CYP2A7: variants seen among roughly 807,000 people sequenced by gnomAD.
The protein encoded by CYP2A7 is cytochrome P450 family 2 subfamily A member 7.
In CYP2A7, 36 loss-of-function variants were observed where a neutral mutation model predicts 42.0. The ratio of observed to expected loss-of-function variants is 0.86; its 90% confidence interval spans 0.66 to 1.13. The LOEUF is 1.13. CYP2A7 is among the 50% of genes most tolerant of loss of function. The pLI is 0.00. For missense variants in CYP2A7, 661 were observed against 634.1 expected (o/e 1.04, Z -0.46); for synonymous variants, 260 against 249.5 (o/e 1.04, Z -0.40).
At chr19:40,877,069 T>C in intron 7 of CYP2A7, 121 bp downstream of exon 7, 1 of 1,137,340 alleles carries the variant, frequency 8.8e-7, no homozygotes, top group Non-Finnish European at 1.3e-6. Flanking sequence ...GTTGGGGAAG[T>C]CCTTTTTGAC....
At chr19:40,878,667 T>A (rs1967590146) in intron 5 of CYP2A7, 93 bp downstream of exon 5, 1 of 1,523,316 alleles carries the variant, frequency 6.6e-7, no homozygotes, top group South Asian at 1.2e-5. Flanking sequence ...GAGGGCTAAT[T>A]TGAACGGGTC....
intron 3 of CYP2A7, 66 bp downstream of exon 3, chr19:40,880,413 G>A (rs1193711222): frequency 1.3e-6 from 2 of 1,579,210 alleles, no homozygotes; most frequent in Non-Finnish European, 1.7e-6. Context: ...CAGGCAGAAC[G>A]CGCGCGGGTT....
Position 40,880,043 on chromosome 19 carries a change from G to T in CYP2A7, c.654+41C>A, listed in dbSNP as rs764742423. On this transcript the variant is annotated intron_variant, in intron 4 of 8. Coordinates refer to ENST00000301146, the MANE Select transcript of CYP2A7 (RefSeq NM_000764.3). ...CTCCAGGTAGGGGAGCAGTTGGCAG[G>T]TTGTGGTAGGGGCGTCACGGGCCGG... The T allele has an allele frequency of 3.7e-6, 6 of 1,605,840 alleles. No individual in the cohort carries two copies. In the Middle Eastern group the frequency reaches 6.6e-4, roughly 178 times the overall value.
At chr19:40,880,852 A>AGAGAGAGAGAGAGAGAG (rs1967662327) in intron 2 of CYP2A7, among the ~76,000 whole-genome samples, 1 of 128,856 alleles carries the variant, frequency 7.8e-6, no homozygotes, top group East Asian at 2.3e-4. Context: ...AGAGAGAGAG[A>AGAGAGAGAGAGAGAGAG]GAGAGAGAGA....
chr19:40,880,711 G>T, intron 2 of CYP2A7, 83 bp from the exon 3 acceptor site: 1 of 1,466,378 alleles, frequency 6.8e-7, no homozygotes, highest in Non-Finnish European at 9.2e-7. Context: ...CTCCCCAAGG[G>T]TGGAGCAGAG....
intron 6 of CYP2A7, 28 bp from the exon 7 acceptor site, chr19:40,877,405 G>T (rs187602561): frequency 6.2e-7 from 1 of 1,607,084 alleles, no homozygotes; most frequent in Non-Finnish European, 8.5e-7. Context: ...ATGTGTTTAG[G>T]TATCTGGGAG....
At position 40,877,191 on chromosome 19, in the gene CYP2A7, T is replaced by A. The variant is rs1276427567; in HGVS notation, c.1160A>T (p.Lys387Met). ...TCTAGGGGGTGGGGAGGATAGCACC[T>A]TAGGGAGGAAAAAATCCCGAAACTT... ...DTKFRDFFLP[K>M]GTEVFPMLGS... is the part of the protein sequence containing the mutation. The change falls in exon 7 of 9, where the codon AAG becomes ATG. Residue 387 changes from lysine (K) to methionine (M), a missense_variant and splice_region_variant. Lys to Met is a moderately conservative substitution (Grantham distance 95). Transcript: ENST00000301146. 6.2e-7 allele frequency: 1 copy of A among 1,612,466 alleles called. No individual in the cohort carries two copies. The highest frequency in any genetic ancestry group is 8.5e-7 in the Non-Finnish European group (1 of 1,179,042).
chr19:40,878,713 C>T, intron 5 of CYP2A7, 47 bp downstream of exon 5: 1 of 1,599,662 alleles, frequency 6.3e-7, no homozygotes, highest in East Asian at 2.2e-5. Context: ...AGTCTGATTT[C>T]CCTCTGCCTG....
intron 4 of CYP2A7, among the ~76,000 whole-genome samples, chr19:40,879,830 G>A (rs551706631): frequency 4.0e-5 from 6 of 150,662 alleles, no homozygotes; most frequent in African/African-American, 9.7e-5. Context: ...ATGGGAACAC[G>A]TGCCCAGGTG....
intron 7 of CYP2A7, 146 bp from the exon 8 acceptor site, chr19:40,876,814 G>A (rs1967544833): frequency 8.9e-7 from 1 of 1,125,714 alleles, no homozygotes; most frequent in African/African-American, 1.6e-5. Context: ...GAGGAGCTTT[G>A]GGGAATAGAA....
chr19:40,878,625 G>A (rs1393311794), intron 5 of CYP2A7, 135 bp downstream of exon 5: 3 of 1,289,234 alleles, frequency 2.3e-6, no homozygotes, highest in African/African-American at 1.5e-5. Context: ...TGTTAGCCAC[G>A]GCGCCCAGCC....
intron 7 of CYP2A7, chr19:40,876,876 C>A: frequency 1.3e-6 from 1 of 742,212 alleles, no homozygotes; most frequent in Non-Finnish European, 2.2e-6. Flanking sequence ...CCATGTCTTG[C>A]TACGCAGGTT....
chr19:40,876,593 G>A lies in CYP2A7; in HGVS notation c.1237C>T (p.Pro413Ser). ...CCCTTGTCATCCAGGAAATGCTGGG[G>A]ATTGAAGTCCTGAGGGTTGGAGAAG... ...SFFSNPQDFN[P>S]QHFLDDKGQF... The change falls in exon 8 of 9, where the codon CCC becomes TCC. Residue 413 changes from proline to serine, a missense_variant. This residue lies in a region of CYP2A7 where 614 missense variants were observed against 552.4 expected (regional missense o/e 1.11). Transcript: ENST00000301146. 1.2e-6 allele frequency: 2 copies of A among 1,613,120 alleles called. No homozygotes were observed. The highest frequency in any genetic ancestry group is 1.1e-5 in the South Asian group (1 of 91,032).
chr19:40,876,959 AG>A, intron 7 of CYP2A7: 1 of 659,476 alleles, frequency 1.5e-6, no homozygotes, highest in Non-Finnish European at 2.6e-6. Flanking sequence ...TTCTTAAGAT[AG>A]GAAGTTTTGG....
Position 40,880,025 on chromosome 19 carries a change from T to C in CYP2A7, c.654+59A>G, listed in dbSNP as rs1309649463. On this transcript the variant is annotated intron_variant, in intron 4 of 8. Coordinates refer to ENST00000301146, the MANE Select transcript of CYP2A7 (RefSeq NM_000764.3). ...GGAGTTTGGGGCACCTGTCTCCAGGTAGGGGAGCAGTTGGCAGGTTGTGGT... is the reference window on the plus strand; with the variant it reads ...GGAGTTTGGGGCACCTGTCTCCAGGCAGGGGAGCAGTTGGCAGGTTGTGGT... 60 of 1,596,484 alleles carry C rather than the reference T, an allele frequency of 3.8e-5. 1 individual carries two copies. The highest frequency in any genetic ancestry group is 5.0e-5 in the Non-Finnish European group (58 of 1,168,370).
Position 40,875,565 on chromosome 19 carries a change from C to G in CYP2A7, c.*128G>C, listed in dbSNP as rs925294244. 3.4e-6 allele frequency: 5 copies of G among 1,459,128 alleles called. No individual in the cohort carries two copies. Among genetic ancestry groups the G allele is most frequent in the East Asian group, 2.4e-5 (1 of 42,184 alleles). 90.4% of individuals were successfully genotyped at this position (1,459,128 alleles called of 1,614,324 possible). ...GCCGCTTCTGTTTCTTCTCTTCCCT[C>G]TAGCCACCACGCCCCTTCCTTTCCC... is the stretch of plus-strand genomic sequence containing the variant. On this transcript the variant is annotated 3_prime_UTR_variant, in exon 9 of 9. Coordinates refer to ENST00000301146, the MANE Select transcript of CYP2A7 (RefSeq NM_000764.3).
At chr19:40,881,965 G>C (rs1019528358) in intron 1 of CYP2A7, 66 bp downstream of exon 1, 22 of 1,569,230 alleles carry the variant, frequency 1.4e-5, no homozygotes, top group Non-Finnish European at 1.9e-5. Context: ...TCAATCCCCT[G>C]CCACAAAGCC....
chr19:40,877,411 G>A (rs2316211), intron 6 of CYP2A7, 34 bp from the exon 7 acceptor site: 21,042 of 1,594,638 alleles, frequency 0.013, 574 homozygotes, highest in South Asian at 0.023. Context: ...TTAGGTATCT[G>A]GGAGTCTCAG....
chr19:40,880,756 C>T (rs1177398926), intron 2 of CYP2A7, 128 bp from the exon 3 acceptor site: 3 of 514,014 alleles, frequency 5.8e-6, no homozygotes, highest in East Asian at 9.1e-5. Flanking sequence ...GATTCAGTGC[C>T]AGTGCCCAGG....
Sources: allele counts gnomAD v4.1 joint callset (sites outside exome capture counted in the v4.1 genomes callset), GRCh38; gene constraint gnomAD v4.1.1; regional missense constraint gnomAD v4.1.1; transcripts MANE v1.5; gene names NCBI Gene and HGNC (gene_info 2026-07-23, HGNC 2026-07-21).